HEXB: variants seen among roughly 807,000 people sequenced by gnomAD.
HEXB encodes beta-hexosaminidase subunit beta.
Under a neutral mutation model 71.2 loss-of-function variants are expected in HEXB, and 51 were observed. That is an observed-to-expected ratio of 0.72 (90% confidence interval 0.57 to 0.90). The LOEUF (loss-of-function observed/expected upper bound fraction) is 0.90. HEXB is among the 40% of genes least tolerant of loss of function. The pLI, the probability that HEXB is intolerant of heterozygous loss-of-function variation, is 0.00. For missense variants in HEXB, 617 were observed against 677.0 expected, an observed-to-expected ratio of 0.91 and a Z score of 0.98; for synonymous variants, 266 against 249.3, an observed-to-expected ratio of 1.07 and a Z score of -0.63.
At chr5:74,693,336 T>C in intron 2 of HEXB, 1 of 453,284 alleles carries the variant, frequency 2.2e-6, no homozygotes, top group East Asian at 4.5e-5. Context: ...GACACCCAAA[T>C]TCCCGTTCTG....
intron 1 of HEXB, among the ~76,000 whole-genome samples, chr5:74,659,450 G>C (rs1748278072): frequency 6.6e-6 from 1 of 152,226 alleles, no homozygotes; most frequent in South Asian, 2.1e-4. Context: ...TTACAAAAAT[G>C]ATAGCGGGGA....
At chr5:74,646,828 A>T (rs1231040392) in intron 1 of HEXB, among the ~76,000 whole-genome samples, 1 of 152,242 alleles carries the variant, frequency 6.6e-6, no homozygotes, top group African/African-American at 2.4e-5. Flanking sequence ...CAGCCTCCCA[A>T]AGTGCTGGGA....
chr5:74,689,814 G>T, intron 2 of HEXB: 1 of 257,160 alleles, frequency 3.9e-6, no homozygotes, highest in Non-Finnish European at 7.5e-6. Context: ...CATGAAAATG[G>T]CAGTAATTCT....
chr5:74,642,539 G>A lies in HEXB; in HGVS notation c.-377+1981G>A, dbSNP rs6888312. ...GTAGCCTGTGGCAAGGTGTGGGGGA[G>A]CTCATCAAGGCAGCCACCAACGCAC... On this transcript the variant is annotated intron_variant, in intron 1 of 13. Transcript: ENST00000511181. Among the ~76,000 whole-genome samples the A allele has an allele frequency of 4.3e-3, 649 of 152,156 alleles. 5 individuals are homozygous for A. The highest frequency in any genetic ancestry group is 0.015 in the African/African-American group (616 of 41,512).
rs200315904 is a variant in HEXB at position 74,712,922 on chromosome 5, T to TA, written c.772-575dup. Among the ~76,000 whole-genome samples, 57 of 150,754 alleles carry TA rather than the reference T, an allele frequency of 3.8e-4. 1 individual carries two copies. The highest frequency in any genetic ancestry group is 3.6e-3 in the South Asian group (17 of 4,748). ...CCTATAAAGGGACTGAGGTAATCAT[T>TA]AAAAAAAAACAAGTCACTTATTCTG... On this transcript the variant is annotated intron_variant, in intron 6 of 13. Coordinates refer to ENST00000261416, the MANE Select transcript of HEXB (RefSeq NM_000521.4).
upstream of HEXB, among the ~76,000 whole-genome samples, chr5:74,684,475 A>G (rs146282424): frequency 1.3e-4 from 20 of 152,342 alleles, no homozygotes; most frequent in African/African-American, 4.1e-4. Context: ...GCCTAGACTT[A>G]GGAGCAAATA....
chr5:74,682,561 A>G (rs1453340060), upstream of HEXB, among the ~76,000 whole-genome samples: 1 of 152,186 alleles, frequency 6.6e-6, no homozygotes, highest in African/African-American at 2.4e-5. Flanking sequence ...TAAATCTTGG[A>G]GTAATTTGTG....
At chr5:74,709,156 C>G (rs1749478108) in intron 6 of HEXB, among the ~76,000 whole-genome samples, 1 of 152,190 alleles carries the variant, frequency 6.6e-6, no homozygotes, top group Admixed American at 6.5e-5. Context: ...AACTGCTCAA[C>G]TACATGGAAA....
At chr5:74,710,177 A>G (rs1749504877) in intron 6 of HEXB, among the ~76,000 whole-genome samples, 1 of 152,294 alleles carries the variant, frequency 6.6e-6, no homozygotes, top group Non-Finnish European at 1.5e-5. Flanking sequence ...ACAGAACCAA[A>G]GACAAAAACC....
intron 8 of HEXB, among the ~76,000 whole-genome samples, 186 bp from the exon 9 acceptor site, chr5:74,716,401 C>T (rs1749673505): frequency 1.3e-5 from 2 of 152,146 alleles, no homozygotes. Context: ...AAATCAGCTT[C>T]TTGAAAAAAT....
intron 2 of HEXB, among the ~76,000 whole-genome samples, chr5:74,691,421 C>T (rs181759541): frequency 1.3e-5 from 2 of 152,238 alleles, no homozygotes; most frequent in East Asian, 3.9e-4. Context: ...ACTCAATGTC[C>T]ATCAATAGAG....
At chr5:74,676,420 C>T (rs1447876265) in intron 1 of HEXB, among the ~76,000 whole-genome samples, 2 of 152,158 alleles carry the variant, frequency 1.3e-5, no homozygotes, top group Non-Finnish European at 2.9e-5. Context: ...AAGTGCCAGT[C>T]CAAAGTGCTG....
rs1312491512 is a variant in HEXB, at chr5:74,641,372, A to G, written c.-377+814A>G. On this transcript the variant is annotated intron_variant, in intron 1 of 13. Transcript: ENST00000511181. The surrounding 1 kb of genome is among the most constrained non-coding windows in gnomAD (Gnocchi z 4.1). ...GAGACTCCAGCCCCAGGCATTTCCTATGTGTCCTCCCTCCCCACTCCCCAG... is the reference window on the plus strand; with the variant it reads ...GAGACTCCAGCCCCAGGCATTTCCTGTGTGTCCTCCCTCCCCACTCCCCAG... 1 of 152,328 alleles carries G rather than the reference A, an allele frequency of 6.6e-6. No homozygotes were observed. The highest frequency in any genetic ancestry group is 2.4e-5 in the African/African-American group (1 of 41,434). 9.4% of individuals were successfully genotyped at this position (152,328 alleles called of 1,614,324 possible).
intron 11 of HEXB, among the ~76,000 whole-genome samples, chr5:74,719,533 C>A (rs575715279): frequency 3.3e-5 from 5 of 152,092 alleles, no homozygotes; most frequent in Admixed American, 2.6e-4. Flanking sequence ...TGAAAAATCA[C>A]TGAAAAAGGA....
chr5:74,703,437 A>G (rs1749308851), intron 5 of HEXB, among the ~76,000 whole-genome samples: 1 of 152,010 alleles, frequency 6.6e-6, no homozygotes, highest in Non-Finnish European at 1.5e-5. Flanking sequence ...TCTTCAAGGA[A>G]CCCTTTTAGT....
At chr5:74,699,099 G>A (rs1324230830) in intron 5 of HEXB, among the ~76,000 whole-genome samples, 3 of 151,972 alleles carry the variant, frequency 2.0e-5, no homozygotes, top group Admixed American at 6.6e-5. Context: ...ACACAAAATC[G>A]CTTGAACCTG....
chr5:74,697,211 G>A (rs1328030514), intron 5 of HEXB, 105 bp downstream of exon 5: 1 of 706,418 alleles, frequency 1.4e-6, no homozygotes, highest in African/African-American at 1.7e-5. Flanking sequence ...AGGGGAATTT[G>A]TATAAGCACT....
chr5:74,676,762 CA>C (rs1245989500), intron 1 of HEXB, among the ~76,000 whole-genome samples: 3 of 151,484 alleles, frequency 2.0e-5, no homozygotes, highest in Middle Eastern at 3.4e-3. Flanking sequence ...GAGATTCTCT[CA>C]AAAAAAAGGG....
At chr5:74,674,412 G>T (rs1315912083) in intron 1 of HEXB, among the ~76,000 whole-genome samples, 1 of 151,996 alleles carries the variant, frequency 6.6e-6, no homozygotes, top group East Asian at 1.9e-4. Context: ...GACCATCCTG[G>T]CTAACATGGT....
Sources: gnomAD v4.1 joint callset for allele counts (sites outside exome capture counted in the v4.1 genomes callset) on GRCh38, gnomAD v4.1.1 for gene constraint, Gnocchi (gnomAD v3.1) non-coding constraint, MANE v1.5 for transcripts, NCBI Gene and HGNC (gene_info 2026-07-23, HGNC 2026-07-21) for gene names.